The following PHACTR1 variants were observed in gnomAD, a reference collection of about 807,000 sequenced individuals.
PHACTR1 encodes the protein phosphatase and actin regulator 1.
Under a neutral mutation model 69.2 loss-of-function variants are expected in PHACTR1, and 16 were observed. The observed-to-expected ratio is 0.23, with a 90% CI of 0.16 to 0.35. The LOEUF (loss-of-function observed/expected upper bound fraction) is 0.35, where lower values mean the gene tolerates loss of function less well. Among genes scored for constraint, PHACTR1 ranks in the 10% least tolerant of loss-of-function variants. The pLI is 1.00. For synonymous variants in PHACTR1, 312 were observed against 284.5 expected (o/e 1.10, Z -0.97); for missense variants, 510 against 734.7 (o/e 0.69, Z 3.54).
intron 4 of PHACTR1, among the ~76,000 whole-genome samples, chr6:12,809,508 T>C (rs12525116): frequency 0.062 from 9,389 of 152,290 alleles, 413 homozygotes; most frequent in Admixed American, 0.1. Flanking sequence ...AACCTATTTA[T>C]CAACCCTACT....
At chr6:13,024,215 G>C (rs564292840) in intron 4 of PHACTR1, among the ~76,000 whole-genome samples, 2 of 152,114 alleles carry the variant, frequency 1.3e-5, no homozygotes, top group Admixed American at 1.3e-4. Context: ...GTATGTCCTC[G>C]CACAACTTGA....
chr6:13,207,586 G>A (rs1265250933), intron 8 of PHACTR1, among the ~76,000 whole-genome samples: 4 of 150,726 alleles, frequency 2.7e-5, no homozygotes, highest in Non-Finnish European at 5.9e-5. Flanking sequence ...ACACACATGA[G>A]TGTATGTGTG....
chr6:12,953,830 G>A (rs1399147349), intron 4 of PHACTR1, among the ~76,000 whole-genome samples: 4 of 152,170 alleles, frequency 2.6e-5, no homozygotes, highest in African/African-American at 9.7e-5. Flanking sequence ...GAAAGGAAGA[G>A]TATTGTAATT....
chr6:13,266,227 T>C (rs1168805621), intron 10 of PHACTR1, among the ~76,000 whole-genome samples: 1 of 152,114 alleles, frequency 6.6e-6, no homozygotes. Context: ...CTACCTGACT[T>C]CCTAAGAGCT....
rs536208360 is a variant in PHACTR1 at position 13,179,685 on chromosome 6, G to A, written c.497-2834G>A. Among the ~76,000 whole-genome samples the A allele has an allele frequency of 1.2e-3, 172 of 145,296 alleles. No individual in the cohort carries two copies. The highest frequency in any genetic ancestry group is 4.2e-3 in the African/African-American group (164 of 39,490). ...AGGAAGATAGGTAGGTAGGTAGGTA[G>A]ATAGATAAGTAGATAGAGATAGATA... On this transcript the variant is annotated intron_variant, in intron 6 of 14. Transcript: ENST00000332995. The surrounding 1 kb of genome is among the most constrained non-coding windows in gnomAD (Gnocchi z 4.2).
chr6:12,865,480 GCC>G (rs1381821528), intron 4 of PHACTR1, among the ~76,000 whole-genome samples: 13 of 150,858 alleles, frequency 8.6e-5, no homozygotes, highest in Non-Finnish European at 5.9e-5. Flanking sequence ...GTGTGTGTGT[GCC>G]TGCGTGTGTG....
At chr6:13,009,668 A>G (rs984083066) in intron 4 of PHACTR1, among the ~76,000 whole-genome samples, 1 of 152,158 alleles carries the variant, frequency 6.6e-6, no homozygotes, top group East Asian at 1.9e-4. Flanking sequence ...ACAGGAGATC[A>G]CACACTGCTT....
intron 5 of PHACTR1, among the ~76,000 whole-genome samples, chr6:13,096,912 A>T (rs950039585): frequency 7.2e-5 from 11 of 152,212 alleles, no homozygotes; most frequent in African/African-American, 2.7e-4. Flanking sequence ...TTTTAATTGC[A>T]TCTGTGTGCA....
chr6:13,198,570 A>G (rs1279280829), intron 7 of PHACTR1, among the ~76,000 whole-genome samples: 1 of 151,714 alleles, frequency 6.6e-6, no homozygotes, highest in African/African-American at 2.4e-5. Flanking sequence ...AAGAAGAAGA[A>G]TTGTCTTGGG....
intron 5 of PHACTR1, among the ~76,000 whole-genome samples, chr6:13,066,345 T>C (rs929611782): frequency 1.3e-5 from 2 of 152,172 alleles, no homozygotes; most frequent in East Asian, 1.9e-4. Context: ...CAGATATTAA[T>C]ATATTTTTAA....
chr6:12,957,617 C>A, intron 4 of PHACTR1: 1 of 985,566 alleles, frequency 1.0e-6, no homozygotes, highest in Non-Finnish European at 1.2e-6. Context: ...CAGGTCACAC[C>A]CAGGAGGGGT....
intron 5 of PHACTR1, among the ~76,000 whole-genome samples, chr6:13,086,083 T>TAAAAAAAAAAAAAAAAAAAAAAAAATAA (rs776154642): frequency 1.7e-5 from 1 of 60,266 alleles, no homozygotes; most frequent in Non-Finnish European, 2.9e-5. Context: ...TACACATTTC[T>TAAAAAAAAAAAAAAAAAAAAAAAAATAA]AAAAAAAAAA....
chr6:12,794,722 C>T (rs979657996), intron 4 of PHACTR1, among the ~76,000 whole-genome samples: 6 of 152,180 alleles, frequency 3.9e-5, no homozygotes, highest in African/African-American at 1.4e-4. Flanking sequence ...TTCATGCTGG[C>T]CACCTTTCAA....
rs369194271 is a variant in PHACTR1 at position 13,269,506 on chromosome 6, G to GA, written c.1392-3349dup. ...ACAGCTGGCCCTTGTCAATGGGGAT[G>GA]AAAAATGTCTTAATGGGATTGCAAA... On this transcript the variant is annotated intron_variant, in intron 10 of 14. Transcript: ENST00000332995. 4.6e-3 allele frequency among the ~76,000 whole-genome samples: 699 copies of GA among 152,314 alleles called. 7 individuals carry two copies. The highest frequency in any genetic ancestry group is 0.016 in the African/African-American group (675 of 41,574).
At chr6:13,078,219 G>C (rs1050485717) in intron 5 of PHACTR1, among the ~76,000 whole-genome samples, 1 of 152,118 alleles carries the variant, frequency 6.6e-6, no homozygotes, top group African/African-American at 2.4e-5. Flanking sequence ...CCTAGCTTCT[G>C]GTGGTTTGCT....
At chr6:12,921,272 G>A (rs1787620634) in intron 4 of PHACTR1, among the ~76,000 whole-genome samples, 1 of 152,140 alleles carries the variant, frequency 6.6e-6, no homozygotes, top group Admixed American at 6.5e-5. Flanking sequence ...CACTTTGTTA[G>A]GAACCAGCAC....
At chr6:13,141,807 C>T (rs1436490377) in intron 5 of PHACTR1, among the ~76,000 whole-genome samples, 6 of 145,720 alleles carry the variant, frequency 4.1e-5, no homozygotes, top group Non-Finnish European at 8.9e-5. Flanking sequence ...CTCAAACCTG[C>T]CACTTAAATA....
chr6:13,012,648 A>G (rs1355518100), intron 4 of PHACTR1, among the ~76,000 whole-genome samples: 1 of 152,208 alleles, frequency 6.6e-6, no homozygotes, highest in African/African-American at 2.4e-5. Flanking sequence ...CTGACCTACT[A>G]AACCAGAATA....
chr6:13,172,502 A>G (rs1760760432), intron 6 of PHACTR1, among the ~76,000 whole-genome samples: 1 of 152,190 alleles, frequency 6.6e-6, no homozygotes, highest in Non-Finnish European at 1.5e-5. Flanking sequence ...CAGACTCCAC[A>G]TGAGCCATGG....
Sources: allele counts gnomAD v4.1 joint callset (sites outside exome capture counted in the v4.1 genomes callset), GRCh38; gene constraint gnomAD v4.1.1; non-coding constraint Gnocchi (gnomAD v3.1); transcripts MANE v1.5; gene names NCBI Gene and HGNC (gene_info 2026-07-23, HGNC 2026-07-21).